Variants in KALRN observed in about 807,000 individuals in gnomAD.
KALRN encodes kalirin RhoGEF kinase.
In KALRN, 70 loss-of-function variants were observed where a neutral mutation model predicts 353.7. The ratio of observed to expected loss-of-function variants is 0.20; its 90% CI spans 0.16 to 0.24. The LOEUF (loss-of-function observed/expected upper bound fraction) is 0.24, where lower values mean the gene tolerates loss of function less well. Among genes scored for constraint, KALRN ranks in the 10% least tolerant of loss-of-function variants. The probability of loss-of-function intolerance (pLI) is 1.00; values close to 1 mark genes in which losing one functional copy is unlikely to be tolerated. For synonymous variants in KALRN, 1,391 were observed against 1,434.8 expected, an observed-to-expected ratio of 0.97 and a Z score of 0.69; for missense variants, 2,791 against 3,756.7, an observed-to-expected ratio of 0.74 and a Z score of 6.72.
At chr3:124,176,618 G>A (rs59585778) in intron 1 of KALRN, among the ~76,000 whole-genome samples, 5,618 of 152,170 alleles carry the variant, frequency 0.037, 363 homozygotes, top group African/African-American at 0.13. Flanking sequence ...TAGGAGTCCC[G>A]GCTCCAACTC....
chr3:124,380,121 C>A (rs2087136327), intron 10 of KALRN, among the ~76,000 whole-genome samples: 1 of 152,176 alleles, frequency 6.6e-6, no homozygotes, highest in African/African-American at 2.4e-5. Context: ...AAGATTCTCA[C>A]TTCATATTAC....
intron 51 of KALRN, among the ~76,000 whole-genome samples, chr3:124,686,798 ATTTTTTTTTTTTTTTTTTT>A (rs10599336): frequency 1.3e-4 from 9 of 70,800 alleles, no homozygotes; most frequent in African/African-American, 2.5e-4. Context: ...CACTGGTGAG[ATTTTTTTTTTTTTTTTTTT>A]TTTTTTTTTT....
Position 124,442,318 on chromosome 3 carries a change from T to C in KALRN, c.3313+259T>C, listed in dbSNP as rs2093694708. On this transcript the variant is annotated intron_variant, in intron 19 of 59. Transcript: ENST00000682506. ...TTAGAGTCTGGACAGCACTGCCTAG[T>C]GGAATTTTCTGAAATAATGGAAATT... Among the ~76,000 whole-genome samples, 5 of 152,354 alleles carry C rather than the reference T, an allele frequency of 3.3e-5. No individual in the cohort carries two copies. In the South Asian group the frequency reaches 1.0e-3, roughly 32 times the overall value.
intron 11 of KALRN, among the ~76,000 whole-genome samples, chr3:124,388,594 AAAG>A (rs1280449583): frequency 2.6e-5 from 4 of 152,222 alleles, no homozygotes; most frequent in Admixed American, 2.6e-4. Flanking sequence ...AGTAAAAGAA[AAAG>A]AAGAAGAAAA....
At position 124,439,247 on chromosome 3, in the gene KALRN, A is replaced by G. The variant is rs1235758190; in HGVS notation, c.3198+210A>G. Among the ~76,000 whole-genome samples, 4 of 130,288 alleles carry G rather than the reference A, an allele frequency of 3.1e-5. No individual in the cohort carries two copies. In the South Asian group the frequency reaches 9.1e-4, roughly 30 times the overall value. 85.5% of individuals were successfully genotyped at this position (130,288 alleles called of 152,430 possible). A position where few individuals can be genotyped will look rare whatever the true frequency, so the allele number is the denominator to read the frequency against. On this transcript the variant is annotated intron_variant, in intron 18 of 59. Coordinates refer to ENST00000682506, the MANE Select transcript of KALRN (RefSeq NM_001388419.1). ...ACACACACACACACACGCAGCTTCA[A>G]ACATGCTTCCCAGCCCCTCTTTTTT...
chr3:124,192,257 G>C (rs1025292229), intron 1 of KALRN, among the ~76,000 whole-genome samples: 1 of 152,170 alleles, frequency 6.6e-6, no homozygotes, highest in Non-Finnish European at 1.5e-5. Flanking sequence ...TATGTTAAGT[G>C]AAATAAACCA....
At chr3:124,458,268 T>C (rs2059522401) in intron 23 of KALRN, among the ~76,000 whole-genome samples, 1 of 119,016 alleles carries the variant, frequency 8.4e-6, no homozygotes, top group Non-Finnish European at 1.7e-5. Flanking sequence ...AGAGCAAGAC[T>C]CTGTCTCAAA....
intron 1 of KALRN, among the ~76,000 whole-genome samples, chr3:124,115,847 A>G (rs911084244): frequency 1.3e-5 from 2 of 152,186 alleles, no homozygotes; most frequent in Non-Finnish European, 2.9e-5. Context: ...AGCTTCATGA[A>G]TTTAAATTGG....
chr3:124,601,375 T>C (rs1337381431), intron 34 of KALRN, among the ~76,000 whole-genome samples: 1 of 152,246 alleles, frequency 6.6e-6, no homozygotes, highest in Non-Finnish European at 1.5e-5. Context: ...GGAAGTAGAT[T>C]AATGACTATT....
At chr3:124,612,061 G>A (rs924700784) in intron 34 of KALRN, among the ~76,000 whole-genome samples, 7 of 152,166 alleles carry the variant, frequency 4.6e-5, no homozygotes, top group Non-Finnish European at 8.8e-5. Flanking sequence ...TCTCGCTCTT[G>A]TAGCTCAGGC....
chr3:124,298,150 A>C (rs2076989566), intron 5 of KALRN, among the ~76,000 whole-genome samples: 1 of 152,160 alleles, frequency 6.6e-6, no homozygotes, highest in Non-Finnish European at 1.5e-5. Context: ...CTGGATACCT[A>C]AGTGAAAACC....
intron 1 of KALRN, among the ~76,000 whole-genome samples, chr3:124,061,179 C>G (rs2041968065): frequency 6.6e-6 from 1 of 152,208 alleles, no homozygotes; most frequent in Admixed American, 6.5e-5. Context: ...ACTGATCAGA[C>G]TGAGCTCCCT....
At chr3:124,491,494 C>T (rs79331099) in intron 31 of KALRN, 70 bp downstream of exon 31, 5 of 1,195,586 alleles carry the variant, frequency 4.2e-6, no homozygotes, top group Non-Finnish European at 5.8e-6. Flanking sequence ...GCAAGTGACA[C>T]CTCAAAGCTA....
intron 33 of KALRN, among the ~76,000 whole-genome samples, chr3:124,527,600 TA>T (rs34131345): frequency 1.9e-3 from 273 of 141,854 alleles, no homozygotes; most frequent in Middle Eastern, 3.5e-3. Context: ...CAAGACTGTT[TA>T]AAAAAAAAAA....
chr3:124,168,675 G>C (rs1361740453), intron 1 of KALRN, among the ~76,000 whole-genome samples: 1 of 152,132 alleles, frequency 6.6e-6, no homozygotes, highest in Non-Finnish European at 1.5e-5. Context: ...CTTTCCGTCT[G>C]CTTCCTCTCA....
chr3:124,441,968 T>C lies in KALRN; in HGVS notation c.3222T>C (p.Asn1074=). The stretch of plus-strand genomic sequence containing the variant: ...AGGCCTGCACCCTGGCTCGGCGGAA[T>C]GCTGAGGTGTTTCTCAAGTACATCC... ...FLKACTLARR[N]AEVFLKYIHR... is the part of the protein sequence containing the mutation. Residue 1074 remains asparagine (N), a synonymous_variant, in exon 19 of 60, where the codon AAT becomes AAC. Coordinates refer to ENST00000682506, the MANE Select transcript of KALRN (RefSeq NM_001388419.1). 6.3e-7 allele frequency: 1 copy of C among 1,598,942 alleles called. No homozygotes were observed. Among genetic ancestry groups the C allele is most frequent in the Non-Finnish European group, 8.6e-7 (1 of 1,169,222 alleles).
intron 5 of KALRN, among the ~76,000 whole-genome samples, chr3:124,287,595 A>T (rs2076024616): frequency 6.6e-6 from 1 of 151,226 alleles, no homozygotes; most frequent in African/African-American, 2.4e-5. Context: ...TATCTTGGTT[A>T]TTGACCAATG....
At chr3:124,446,715 A>C (rs1443485226) in intron 20 of KALRN, 48 bp from the exon 21 acceptor site, 1 of 1,611,818 alleles carries the variant, frequency 6.2e-7, no homozygotes, top group Admixed American at 1.7e-5. Flanking sequence ...ATGTTTTCCT[A>C]CTGACAGCTG....
At chr3:124,642,728 C>T (rs971129717) in intron 37 of KALRN, among the ~76,000 whole-genome samples, 1 of 150,090 alleles carries the variant, frequency 6.7e-6, no homozygotes, top group Non-Finnish European at 1.5e-5. Context: ...ATGGCCTCAT[C>T]ATATCCATTG....
Sources: gnomAD v4.1 joint callset for allele counts (sites outside exome capture counted in the v4.1 genomes callset) on GRCh38, gnomAD v4.1.1 for gene constraint, MANE v1.5 for transcripts, NCBI Gene and HGNC (gene_info 2026-07-23, HGNC 2026-07-21) for gene names.